The following ZP3 variants were observed in gnomAD, a reference collection of about 807,000 sequenced individuals.
ZP3 encodes zona pellucida glycoprotein 3.
A neutral mutation model predicts 35.6 loss-of-function variants in ZP3; 21 were observed. The ratio of observed to expected loss-of-function variants is 0.59; its 90% CI spans 0.42 to 0.85. The LOEUF is 0.85. Ranked by LOEUF, ZP3 falls within the 40% of genes least tolerant of loss-of-function variation. ZP3 has a pLI of 0.00. For synonymous variants in ZP3, 207 were observed against 214.5 expected (o/e 0.96, Z 0.31); for missense variants, 437 against 536.5 (o/e 0.81, Z 1.83).
In ZP3 at chr7:76,440,209, A is replaced by G. The variant is rs1481356236; in HGVS notation, c.832-41A>G. 3 of 1,582,244 alleles carry G rather than the reference A, an allele frequency of 1.9e-6. No individual in the cohort carries two copies. The Admixed American group carries it at 5.4e-5, about 28-fold the overall frequency. ...ACTGGTGTGTTAAACTCCCAGGCAC[A>G]GCCTGGAACTCGGCCTGGAAATAGC... On this transcript the variant is annotated intron_variant, in intron 5 of 7. Coordinates refer to ENST00000394857, the MANE Select transcript of ZP3 (RefSeq NM_001110354.2).
At chr7:76,422,762 CCGA>C (rs1805534424), upstream of ZP3, among the ~76,000 whole-genome samples, 2 of 150,898 alleles carry the variant, frequency 1.3e-5, no homozygotes. Flanking sequence ...CTTTGGGAGG[CCGA>C]GGAGGGAGAA....
intron 7 of ZP3, 27 bp downstream of exon 7, chr7:76,440,638 G>A (rs1806170614): frequency 2.5e-6 from 4 of 1,594,376 alleles, no homozygotes; most frequent in African/African-American, 1.3e-5. Flanking sequence ...CCAAGAGGCT[G>A]TTCATTGTCC....
At chr7:76,436,256 A>G (rs1324180920) in intron 5 of ZP3, among the ~76,000 whole-genome samples, 2 of 152,022 alleles carry the variant, frequency 1.3e-5, no homozygotes, top group Non-Finnish European at 2.9e-5. Flanking sequence ...CATATTGGCC[A>G]GGCTGGTCTT....
chr7:76,398,988 AG>A (rs758176671), intron 1 of ZP3, among the ~76,000 whole-genome samples: 1 of 152,278 alleles, frequency 6.6e-6, no homozygotes, highest in Middle Eastern at 3.4e-3. Context: ...ACTCCTCTAA[AG>A]CACGGTTTTT....
At chr7:76,430,801 C>T (rs1189073575) in intron 2 of ZP3, among the ~76,000 whole-genome samples, 1 of 152,176 alleles carries the variant, frequency 6.6e-6, no homozygotes, top group Non-Finnish European at 1.5e-5. Flanking sequence ...GAGGGATGAG[C>T]CATGCCCCTG....
At chr7:76,431,766 G>A (rs1163029635) in intron 2 of ZP3, among the ~76,000 whole-genome samples, 2 of 152,082 alleles carry the variant, frequency 1.3e-5, no homozygotes, top group Non-Finnish European at 1.5e-5. Context: ...AGGCCTAGTG[G>A]CGGGTGCCTG....
At chr7:76,436,050 TTTTTTTTTTTTTTTTTTTTTTTTTTG>T (rs1805996442) in intron 5 of ZP3, among the ~76,000 whole-genome samples, 2 of 61,266 alleles carry the variant, frequency 3.3e-5, no homozygotes, top group African/African-American at 8.9e-5. Flanking sequence ...TTTTTTTTTT[TTTTTTTTTTTTTTTTTTTTTTTTTTG>T]AGAGGGTCTC....
At chr7:76,417,678 C>G (rs1398389680) in intron 1 of ZP3, among the ~76,000 whole-genome samples, 1 of 150,434 alleles carries the variant, frequency 6.6e-6, no homozygotes, top group African/African-American at 2.5e-5. Flanking sequence ...GTGGTGTGAT[C>G]ATAGTTCATT....
rs747110542 is a variant in ZP3, at chr7:76,429,634, G to T, written c.431+1G>T. On this transcript the variant is annotated splice_donor_variant, in intron 2 of 7. Coordinates refer to ENST00000394857, the MANE Select transcript of ZP3 (RefSeq NM_001110354.2). LOFTEE classifies it high-confidence loss of function. ...TTCCCATCGAGTGCCGCTACCCCAG[G>T]TCGGTGTGGGACTGACTCATGGCCC... The T allele has an allele frequency of 3.1e-6, 5 of 1,613,824 alleles. No homozygotes were observed. The highest frequency in any genetic ancestry group is 3.4e-6 in the Non-Finnish European group (4 of 1,179,766).
upstream of ZP3, among the ~76,000 whole-genome samples, chr7:76,423,935 C>T (rs541403600): frequency 2.6e-5 from 4 of 152,104 alleles, no homozygotes; most frequent in South Asian, 2.1e-4. Flanking sequence ...GTATGAACTC[C>T]GGGGGATTCA....
Position 76,428,164 on chromosome 7 carries a change from T to TAAAA in ZP3, c.313-1338_313-1335dup, listed in dbSNP as rs71521125. Among the ~76,000 whole-genome samples, 801 of 133,946 alleles carry TAAAA rather than the reference T, an allele frequency of 6.0e-3. 7 individuals are homozygous for TAAAA. Among genetic ancestry groups the TAAAA allele is most frequent in the African/African-American group, 0.019 (700 of 37,736 alleles). The allele number at this position is 133,946 out of a possible 152,430, so 87.9% of individuals were successfully genotyped here. ...AACATGGCGAAACCCTGTCTCTATT[T>TAAAA]AAAAAAAAAAAAAAAAGGCACGGTG... On this transcript the variant is annotated intron_variant, in intron 1 of 7. Transcript: ENST00000394857.
At chr7:76,423,007 A>AAGAGAGAGAGAGAGAGAGAGAGAGAG (rs747350112), upstream of ZP3, among the ~76,000 whole-genome samples, 3 of 76,114 alleles carry the variant, frequency 3.9e-5, no homozygotes, top group Non-Finnish European at 4.8e-5. Context: ...AAAAGAAAGA[A>AAGAGAGAGAGAGAGAGAGAGAGAGAG]AGAGAGAGAG....
intron 1 of ZP3, among the ~76,000 whole-genome samples, chr7:76,425,631 G>T (rs1197208325): frequency 6.6e-6 from 1 of 152,196 alleles, no homozygotes; most frequent in African/African-American, 2.4e-5. Flanking sequence ...GGGGCATTAG[G>T]AACTCATCCT....
At chr7:76,440,737 G>A in intron 7 of ZP3, 126 bp downstream of exon 7, 3 of 1,447,054 alleles carry the variant, frequency 2.1e-6, no homozygotes, top group East Asian at 2.4e-5. Flanking sequence ...TAGGCCTGCA[G>A]CTACCTTTCC....
chr7:76,423,025 G>GAGAGAGAGAAAGAAAGAAAGAA (rs1278384225), upstream of ZP3, among the ~76,000 whole-genome samples: 86 of 75,792 alleles, frequency 1.1e-3, 1 homozygote, highest in African/African-American at 1.6e-3. Flanking sequence ...GAGAGAGAGA[G>GAGAGAGAGAAAGAAAGAAAGAA]AGAAAGAAAG....
At chr7:76,433,796 T>A (rs1805910482) in intron 4 of ZP3, 149 bp downstream of exon 4, 4 of 1,086,694 alleles carry the variant, frequency 3.7e-6, no homozygotes, top group South Asian at 1.6e-5. Context: ...CCTCCCAGGT[T>A]TAAGTGATTC....
intron 1 of ZP3, chr7:76,404,553 A>C: frequency 6.5e-7 from 1 of 1,527,272 alleles, no homozygotes; most frequent in South Asian, 1.1e-5. Context: ...GCACTTTGGG[A>C]GGCCGAGGTG....
At chr7:76,397,699 C>G in exon 1 of ZP3, 1 of 1,613,502 alleles carries the variant, frequency 6.2e-7, no homozygotes, top group Non-Finnish European at 8.5e-7. Context: ...CGCAGCCCAG[C>G]TGACGACAGA....
At chr7:76,423,065 A>AAGAAAGAAAGAAAGAT (rs1805559303), upstream of ZP3, among the ~76,000 whole-genome samples, 1 of 144,182 alleles carries the variant, frequency 6.9e-6, no homozygotes, top group South Asian at 2.3e-4. Flanking sequence ...GAAAGAAAGA[A>AAGAAAGAAAGAAAGAT]AGAAAGAAAG....
Sources: allele counts gnomAD v4.1 joint callset (sites outside exome capture counted in the v4.1 genomes callset), GRCh38; gene constraint gnomAD v4.1.1; transcripts MANE v1.5; gene names NCBI Gene and HGNC (gene_info 2026-07-23, HGNC 2026-07-21).